PCDHGA8: variants seen among roughly 807,000 people sequenced by gnomAD.
The protein encoded by PCDHGA8 is protocadherin gamma-A8.
PCDHGA8 carries 45 observed loss-of-function variants against 59.2 expected under a neutral mutation model. The observed-to-expected ratio is 0.76, with a 90% CI of 0.60 to 0.98. The LOEUF is 0.98. Among genes scored for constraint, PCDHGA8 ranks in the 50% least tolerant of loss-of-function variants. PCDHGA8 has a pLI of 0.00. For missense variants in PCDHGA8, 1,257 were observed against 1,196.2 expected, an observed-to-expected ratio of 1.05 and a Z score of -0.75; for synonymous variants, 531 against 519.0, an observed-to-expected ratio of 1.02 and a Z score of -0.32.
chr5:141,394,967 C>T lies in PCDHGA8; in HGVS notation c.2154C>T (p.Arg718=). The T allele has an allele frequency of 6.2e-7, 1 of 1,613,950 alleles. No homozygotes were observed. Among genetic ancestry groups the T allele is most frequent in the Non-Finnish European group, 8.5e-7 (1 of 1,179,870 alleles). The change falls in exon 1 of 4, where the codon CGC becomes CGT. Residue 718 remains arginine (R), a synonymous_variant. Transcript: ENST00000398604. ...VAVLLGLRLR[R]WHKSRLLQDS... is the part of the protein sequence containing the mutation. The stretch of plus-strand genomic sequence containing the variant: ...TGCTTCTGGGGCTCAGGCTGAGGCG[C>T]TGGCACAAGTCACGCCTGCTCCAGG...
chr5:141,405,522 C>T (rs542329840), intron 1 of PCDHGA8: 28 of 682,252 alleles, frequency 4.1e-5, no homozygotes, highest in Admixed American at 8.3e-5. Flanking sequence ...CAAATTCAAG[C>T]GATTCTCCTG....
At chr5:141,450,887 C>T (rs531604055) in intron 1 of PCDHGA8, among the ~76,000 whole-genome samples, 18 of 148,682 alleles carry the variant, frequency 1.2e-4, no homozygotes, top group East Asian at 1.2e-3. Flanking sequence ...TGCAGTGGTG[C>T]GATATCGGCT....
chr5:141,461,303 G>T (rs1390421489), intron 1 of PCDHGA8, among the ~76,000 whole-genome samples: 2 of 152,074 alleles, frequency 1.3e-5, no homozygotes, highest in Non-Finnish European at 2.9e-5. Flanking sequence ...AACATCTATT[G>T]TTTTTTGACT....
chr5:141,408,332 G>A, intron 1 of PCDHGA8: 1 of 1,613,912 alleles, frequency 6.2e-7, no homozygotes, highest in South Asian at 1.1e-5. Context: ...GCTGGCCAAG[G>A]GCTCGGTGGT....
In PCDHGA8 at chr5:141,422,867, T is replaced by C. The variant is rs116031289; in HGVS notation, c.2424+27630T>C. On this transcript the variant is annotated intron_variant, in intron 1 of 3. Coordinates refer to ENST00000398604, the MANE Select transcript of PCDHGA8 (RefSeq NM_032088.2). Reference sequence around the variant, plus strand: ...GGGGACCCGCCCCTCAGCAGCAACGTGTCGCTGAGCCTGTTCGTGCTGGAC... The same window carrying C: ...GGGGACCCGCCCCTCAGCAGCAACGCGTCGCTGAGCCTGTTCGTGCTGGAC... 1.5e-3 allele frequency: 2,464 copies of C among 1,614,218 alleles called. 37 individuals are homozygous for C. In the African/African-American group the frequency reaches 0.029, roughly 19 times the overall value.
chr5:141,472,838 T>C (rs1457889821), intron 1 of PCDHGA8, among the ~76,000 whole-genome samples: 1 of 151,464 alleles, frequency 6.6e-6, no homozygotes, highest in Non-Finnish European at 1.5e-5. Context: ...AATAGAAAAT[T>C]AGCTGGGCAT....
intron 1 of PCDHGA8, chr5:141,399,835 C>T (rs756646382): frequency 1.2e-6 from 2 of 1,613,164 alleles, no homozygotes; most frequent in South Asian, 2.2e-5. Flanking sequence ...CGGCTCTGCG[C>T]TCTTCGATAT....
chr5:141,510,032 T>C (rs1410346284), intron 3 of PCDHGA8, among the ~76,000 whole-genome samples: 3 of 152,150 alleles, frequency 2.0e-5, no homozygotes, highest in Non-Finnish European at 4.4e-5. Flanking sequence ...GCTGGGCTGT[T>C]ATGTAGAGGT....
At chr5:141,502,525 G>A (rs1258704254) in intron 2 of PCDHGA8, among the ~76,000 whole-genome samples, 1 of 152,074 alleles carries the variant, frequency 6.6e-6, no homozygotes, top group Non-Finnish European at 1.5e-5. Flanking sequence ...CAGTGATGCC[G>A]AGTTTGTTCG....
chr5:141,408,279 A>G (rs1313502495), intron 1 of PCDHGA8: 1 of 1,612,184 alleles, frequency 6.2e-7, no homozygotes, highest in Admixed American at 1.7e-5. Flanking sequence ...CCTTTGTTCT[A>G]CCCCACCCTG....
At position 141,486,883 on chromosome 5, in the gene PCDHGA8, C is replaced by G. The variant is rs1234866888; in HGVS notation, c.2425-7924C>G. The G allele has an allele frequency of 1.2e-6, 2 of 1,614,214 alleles. No individual in the cohort carries two copies. ...CTCCAGCTGTGCTCCGTCCTCGGGC[C>G]CGGCCTGGTTCCTTATGTCCCCAAG... On this transcript the variant is annotated intron_variant, in intron 1 of 3. Coordinates refer to ENST00000398604, the MANE Select transcript of PCDHGA8 (RefSeq NM_032088.2). The surrounding 1 kb of genome is among the most constrained non-coding windows in gnomAD (Gnocchi z 5.0).
rs371807105 is a variant in PCDHGA8 at position 141,476,586 on chromosome 5, A to G, written c.2425-18221A>G. ...GCTCCGGGGACGCGCTTTCCGCTCG[A>G]GAGCGCGCACGATCCCGATGTGGGA... is the stretch of plus-strand genomic sequence containing the variant. On this transcript the variant is annotated intron_variant, in intron 1 of 3. Coordinates refer to ENST00000398604, the MANE Select transcript of PCDHGA8 (RefSeq NM_032088.2). This position sits in a 1 kb window ranked among gnomAD's most constrained non-coding sequence, Gnocchi z 7.6. The G allele has an allele frequency of 6.2e-7, 1 of 1,614,222 alleles. No homozygotes were observed. The highest frequency in any genetic ancestry group is 8.5e-7 in the Non-Finnish European group (1 of 1,180,032).
intron 1 of PCDHGA8, among the ~76,000 whole-genome samples, chr5:141,436,424 T>C (rs2154557109): frequency 6.6e-6 from 1 of 152,322 alleles, no homozygotes; most frequent in Middle Eastern, 3.4e-3. Context: ...AAACAAATAA[T>C]GTACTCTGGG....
chr5:141,462,781 G>A (rs893647456), intron 1 of PCDHGA8, among the ~76,000 whole-genome samples: 7 of 152,102 alleles, frequency 4.6e-5, no homozygotes, highest in African/African-American at 1.7e-4. Context: ...GTCATAATTT[G>A]TTGCTTATTT....
intron 3 of PCDHGA8, among the ~76,000 whole-genome samples, chr5:141,506,429 A>G (rs1406730781): frequency 7.0e-6 from 1 of 143,144 alleles, no homozygotes; most frequent in Non-Finnish European, 1.5e-5. Flanking sequence ...CCTGGGCAAC[A>G]GTCTCGCTCT....
rs762574320 is a variant in PCDHGA8, at chr5:141,485,926, G to T, written c.2425-8881G>T. 2.5e-6 allele frequency: 4 copies of T among 1,614,090 alleles called. No individual in the cohort carries two copies. The highest frequency in any genetic ancestry group is 3.4e-6 in the Non-Finnish European group (4 of 1,180,052). On this transcript the variant is annotated intron_variant, in intron 1 of 3. Transcript: ENST00000398604. This position sits in a 1 kb window ranked among gnomAD's most constrained non-coding sequence, Gnocchi z 5.7. Reference sequence around the variant, plus strand: ...AGCAATCCAGCTACAGGATTAGTGTGTTGGAGAGCGCACCAGCGGGCATGG... The same window carrying T: ...AGCAATCCAGCTACAGGATTAGTGTTTTGGAGAGCGCACCAGCGGGCATGG...
At chr5:141,418,800 G>A in intron 1 of PCDHGA8, 1 of 1,613,800 alleles carries the variant, frequency 6.2e-7, no homozygotes, top group African/African-American at 1.3e-5. Context: ...GAAGTAGAAA[G>A]ATATACGATA....
intron 1 of PCDHGA8, chr5:141,413,664 T>A: frequency 6.2e-7 from 1 of 1,613,858 alleles, no homozygotes; most frequent in Non-Finnish European, 8.5e-7. Flanking sequence ...AAGCTATTGA[T>A]CCGGATGTGG....
rs768990626 is a variant in PCDHGA8, at chr5:141,427,590, C to T, written c.2424+32353C>T. On this transcript the variant is annotated intron_variant, in intron 1 of 3. Coordinates refer to ENST00000398604, the MANE Select transcript of PCDHGA8 (RefSeq NM_032088.2). ...GCCTCCGCTCTCATCCAGCACAAGCCTCACCCTACGCATTGGTGAAGTCAA... is the reference window on the plus strand; with the variant it reads ...GCCTCCGCTCTCATCCAGCACAAGCTTCACCCTACGCATTGGTGAAGTCAA... 44 of 678,892 alleles carry T rather than the reference C, an allele frequency of 6.5e-5. No individual in the cohort carries two copies. In the Admixed American group the frequency reaches 8.5e-4, roughly 13 times the overall value. The allele number at this position is 678,892 out of a possible 1,614,324, so 42.1% of individuals were successfully genotyped here.
Sources: allele counts gnomAD v4.1 joint callset (sites outside exome capture counted in the v4.1 genomes callset), GRCh38; gene constraint gnomAD v4.1.1; non-coding constraint Gnocchi (gnomAD v3.1); transcripts MANE v1.5; gene names NCBI Gene and HGNC (gene_info 2026-07-23, HGNC 2026-07-21).